AARS2: variants seen among roughly 807,000 people sequenced by gnomAD.
AARS2 encodes the protein alanyl-tRNA synthetase 2, mitochondrial, also known as alanine--tRNA ligase, mitochondrial.
A neutral mutation model predicts 119.7 loss-of-function variants in AARS2; 78 were observed. The ratio of observed to expected loss-of-function variants is 0.65; its 90% CI spans 0.54 to 0.79. The LOEUF is 0.79. Among genes scored for constraint, AARS2 ranks in the 30% least tolerant of loss-of-function variants. The probability of loss-of-function intolerance (pLI) is 0.00; values close to 1 mark genes in which losing one functional copy is unlikely to be tolerated. For synonymous variants in AARS2, 502 were observed against 526.3 expected (o/e 0.95, Z 0.63); for missense variants, 1,157 against 1,291.3 (o/e 0.90, Z 1.59).
chr6:44,308,004 T>C (rs1786010222), intron 5 of AARS2, among the ~76,000 whole-genome samples: 1 of 152,232 alleles, frequency 6.6e-6, no homozygotes, highest in South Asian at 2.1e-4. Flanking sequence ...GTCAATAGCC[T>C]GGGAGCCATC....
chr6:44,311,641 A>G, intron 2 of AARS2, 106 bp from the exon 3 acceptor site: 1 of 1,334,246 alleles, frequency 7.5e-7, no homozygotes, highest in South Asian at 1.2e-5. Context: ...AGACAAAAGC[A>G]TTTCTGCTGC....
At chr6:44,306,152 G>A in intron 9 of AARS2, 128 bp downstream of exon 9, 2 of 929,486 alleles carry the variant, frequency 2.2e-6, no homozygotes, top group South Asian at 2.7e-5. Flanking sequence ...GAGAGTCCAG[G>A]GAGAAAGGAA....
At chr6:44,310,508 A>G (rs1786257604) in intron 4 of AARS2, 65 bp from the exon 5 acceptor site, 2 of 1,596,280 alleles carry the variant, frequency 1.3e-6, no homozygotes, top group South Asian at 2.2e-5. Flanking sequence ...CAGATGCCCA[A>G]GTGGAGTAGA....
At chr6:44,309,939 G>C (rs1159808845) in intron 5 of AARS2, among the ~76,000 whole-genome samples, 1 of 152,104 alleles carries the variant, frequency 6.6e-6, no homozygotes, top group Non-Finnish European at 1.5e-5. Context: ...TTCACAATCT[G>C]TAAGCTATTA....
Position 44,305,077 on chromosome 6 carries a change from G to C in AARS2, c.1556C>G (p.Ser519Cys). Residue 519 changes from serine (S) to cysteine (C), a missense_variant, in exon 11 of 22, where the codon TCC (serine) becomes TGC (cysteine). Physicochemically the swap from Ser to Cys is moderately radical, Grantham distance 112. Coordinates refer to ENST00000244571, the MANE Select transcript of AARS2 (RefSeq NM_020745.4). The surrounding 1 kb of genome is among the most constrained non-coding windows in gnomAD (Gnocchi z 4.6). ...ACCATAACTTCCGCTGGGTCGCAGG[G>C]AGTAGTTGTACTTGGGGCTGTCGTC... Reference protein sequence around the residue: ...PTDDSPKYNYSLRPSGSYEFG... With the variant: ...PTDDSPKYNYCLRPSGSYEFG... 1.2e-6 allele frequency: 2 copies of C among 1,614,156 alleles called. No individual in the cohort carries two copies. Among genetic ancestry groups the C allele is most frequent in the Non-Finnish European group, 8.5e-7 (1 of 1,180,038 alleles).
In AARS2 at chr6:44,301,151, C is replaced by T. The variant is rs750137110; in HGVS notation, c.2793+5G>A. The T allele has an allele frequency of 4.3e-6, 7 of 1,612,456 alleles. No homozygotes were observed. In the Admixed American group the frequency reaches 1.2e-4, roughly 27 times the overall value. ...GGCGGTGGGCTGCTCTCCCACTTCCCTCACCTGGGCCACCTGACAGGCACA... is the reference window on the plus strand; with the variant it reads ...GGCGGTGGGCTGCTCTCCCACTTCCTTCACCTGGGCCACCTGACAGGCACA... On this transcript the variant is annotated splice_donor_5th_base_variant and intron_variant, in intron 21 of 21. Transcript: ENST00000244571.
intron 20 of AARS2, 48 bp from the exon 21 acceptor site, chr6:44,301,314 A>T (rs1325303978): frequency 1.2e-6 from 2 of 1,613,198 alleles, no homozygotes; most frequent in East Asian, 4.5e-5. Context: ...CCAGACCCCT[A>T]GCTGTCTCCT....
chr6:44,305,277 T>G lies in AARS2; in HGVS notation c.1435-79A>C. On this transcript the variant is annotated intron_variant, in intron 10 of 21. Transcript: ENST00000244571. This position sits in a 1 kb window ranked among gnomAD's most constrained non-coding sequence, Gnocchi z 4.6. ...GTGGGACTTCAGCCTCGCAGGGCCC[T>G]GTCCCTGCCACACAGCTGTGGACTC... 2.6e-6 allele frequency: 4 copies of G among 1,560,168 alleles called. No individual in the cohort carries two copies. The highest frequency in any genetic ancestry group is 3.5e-6 in the Non-Finnish European group (4 of 1,145,426).
At position 44,308,542 on chromosome 6, in the gene AARS2, C is replaced by CA. The variant is rs879544098; in HGVS notation, c.895-1149dup. On this transcript the variant is annotated intron_variant, in intron 5 of 21. Coordinates refer to ENST00000244571, the MANE Select transcript of AARS2 (RefSeq NM_020745.4). ...CAACAGAGCAAGCAAGACTCTGTCT[C>CA]AAAAAAAAAAAAGAAGGGTTCTCAG... Among the ~76,000 whole-genome samples the CA allele has an allele frequency of 9.1e-3, 1,242 of 136,752 alleles. 14 individuals are homozygous for CA. The highest frequency in any genetic ancestry group is 0.028 in the African/African-American group (1,027 of 37,214). 89.7% of individuals were successfully genotyped at this position (136,752 alleles called of 152,430 possible).
rs945319319 is a variant in AARS2, at chr6:44,305,807, G to A, written c.1301-21C>T. 7 of 1,613,646 alleles carry A rather than the reference G, an allele frequency of 4.3e-6. No individual in the cohort carries two copies. Among genetic ancestry groups the A allele is most frequent in the Non-Finnish European group, 5.1e-6 (6 of 1,179,708 alleles). ...TTCAGCTTTGAGAAAGAAAGACAAAGAATGTTGAGGAGGGGAGGGATTAGA... is the reference window on the plus strand; with the variant it reads ...TTCAGCTTTGAGAAAGAAAGACAAAAAATGTTGAGGAGGGGAGGGATTAGA... On this transcript the variant is annotated intron_variant, in intron 9 of 21. Coordinates refer to ENST00000244571, the MANE Select transcript of AARS2 (RefSeq NM_020745.4). This position sits in a 1 kb window ranked among gnomAD's most constrained non-coding sequence, Gnocchi z 4.6.
Position 44,310,416 on chromosome 6 carries a change from C to T in AARS2, c.777G>A (p.Leu259=), listed in dbSNP as rs1422405262. 4.3e-6 allele frequency: 7 copies of T among 1,613,816 alleles called. No homozygotes were observed. The East Asian group carries it at 1.6e-4, about 36-fold the overall frequency. ...TTCCTGTGTCCACATGCCGCTGGGG[C>T]AGGGGCTGCAGGCTTCCATCTGCCT... ...NREADGSLQP[L]PQRHVDTGMG... is the part of the protein sequence containing the mutation. The change falls in exon 5 of 22, where the codon CTG becomes CTA. Residue 259 remains leucine, a synonymous_variant. Transcript: ENST00000244571.
chr6:44,309,498 T>G (rs1786168665), intron 5 of AARS2, among the ~76,000 whole-genome samples: 1 of 152,228 alleles, frequency 6.6e-6, no homozygotes, highest in Non-Finnish European at 1.5e-5. Context: ...GGGATTCTCC[T>G]TTAGCTGGCT....
chr6:44,306,512 C>T lies in AARS2; in HGVS notation c.1170G>A (p.Leu390=), dbSNP rs1785862504. 1 of 1,614,154 alleles carries T rather than the reference C, an allele frequency of 6.2e-7. No individual in the cohort carries two copies. Among genetic ancestry groups the T allele is most frequent in the Non-Finnish European group, 8.5e-7 (1 of 1,180,024 alleles). The part of the protein sequence containing the change: ...VETLGDAYPE[L]QRNSAQIANL... Reference sequence around the variant, plus strand: ...CCAGTACCTGGGCTGAGTTCCTTTGCAGTTCTGGATAAGCATCTCCCTGGG... The same window carrying T: ...CCAGTACCTGGGCTGAGTTCCTTTGTAGTTCTGGATAAGCATCTCCCTGGG... Residue 390 remains leucine, a synonymous_variant, in exon 8 of 22, where the codon CTG becomes CTA. Coordinates refer to ENST00000244571, the MANE Select transcript of AARS2 (RefSeq NM_020745.4).
Position 44,300,378 on chromosome 6 carries a change from G to T in AARS2, c.*169C>A. On this transcript the variant is annotated 3_prime_UTR_variant, in exon 22 of 22. Transcript: ENST00000244571. ...TTTGGGCCCAGTTCTGCCTTCCCTAGCCCATGTCTCCTTGTGTCACGTAGG... is the reference window on the plus strand; with the variant it reads ...TTTGGGCCCAGTTCTGCCTTCCCTATCCCATGTCTCCTTGTGTCACGTAGG... 2 of 914,556 alleles carry T rather than the reference G, an allele frequency of 2.2e-6. No individual in the cohort carries two copies. Among genetic ancestry groups the T allele is most frequent in the Non-Finnish European group, 3.5e-6 (2 of 579,358 alleles). 56.7% of individuals were successfully genotyped at this position (914,556 alleles called of 1,614,324 possible).
chr6:44,304,770 C>T lies in AARS2; in HGVS notation c.1627G>A (p.Gly543Arg), dbSNP rs764982273. 29 of 1,614,100 alleles carry T rather than the reference C, an allele frequency of 1.8e-5. No homozygotes were observed. The highest frequency in any genetic ancestry group is 2.5e-5 in the Non-Finnish European group (29 of 1,180,040). The change falls in exon 12 of 22, where the codon GGG becomes AGG. Residue 543 changes from glycine (G) to arginine (R), a missense_variant. Physicochemically the swap from Gly to Arg is moderately radical, Grantham distance 125. Transcript: ENST00000244571. ...AQVLQLYTED[G>R]TAVASVGKGQ... is the part of the protein sequence containing the mutation. ...TTCCCCACGGAGGCCACTGCTGTCC[C>T]GTCCTCTGTATACAGTTGCAACACC...
chr6:44,302,728 G>T, intron 17 of AARS2, 74 bp downstream of exon 17: 1 of 1,507,446 alleles, frequency 6.6e-7, no homozygotes, highest in Non-Finnish European at 9.1e-7. Context: ...GCACCCCTGA[G>T]CCTGAGCATG....
chr6:44,301,382 G>C lies in AARS2; in HGVS notation c.2681C>G (p.Ser894Ter), dbSNP rs200781477. 1.1e-5 allele frequency: 17 copies of C among 1,613,864 alleles called. No individual in the cohort carries two copies. The highest frequency in any genetic ancestry group is 1.4e-5 in the Non-Finnish European group (17 of 1,180,032). Residue 894 changes from serine (S) to a stop codon, truncating the protein, a stop_gained and splice_region_variant, in exon 20 of 22, where the codon TCA (serine) becomes TGA (stop). Coordinates refer to ENST00000244571, the MANE Select transcript of AARS2 (RefSeq NM_020745.4). LOFTEE classifies it high-confidence loss of function. ...IVDTVSAESL[S>*]VLVKVVRQLC... ...CAGCCCGGCTTGGCTAGCACTCACT[G>C]AGAGAGACTCAGCAGAGACTGTGTC...
intron 3 of AARS2, 101 bp from the exon 4 acceptor site, chr6:44,311,262 GGAGGAACAGGGCTGACCCCACAATAT>G: frequency 6.3e-7 from 1 of 1,599,968 alleles, no homozygotes; most frequent in Non-Finnish European, 8.6e-7. Context: ...CTCAGCAAGA[GGAGGAACAGGGCTGACCCCACAATAT>G]CCTGGAATGA....
At position 44,300,676 on chromosome 6, in the gene AARS2, T is replaced by C; in HGVS notation, c.2829A>G (p.Ala943=). ...AMPTFTAEAW[A]LAVCSHMGGK... is the part of the protein sequence containing the mutation. ...CCCCCATGTGGCTGCACACTGCCAG[T>C]GCCCAGGCCTCTGCTGTGAAGGTGG... The change falls in exon 22 of 22, where the codon GCA becomes GCG. Residue 943 remains alanine (A), a synonymous_variant. Transcript: ENST00000244571. 2 of 1,613,540 alleles carry C rather than the reference T, an allele frequency of 1.2e-6. No individual in the cohort carries two copies. Among genetic ancestry groups the C allele is most frequent in the South Asian group, 1.1e-5 (1 of 91,082 alleles).
Sources: gnomAD v4.1 joint callset for allele counts (sites outside exome capture counted in the v4.1 genomes callset) on GRCh38, gnomAD v4.1.1 for gene constraint, Gnocchi (gnomAD v3.1) non-coding constraint, MANE v1.5 for transcripts, NCBI Gene and HGNC (gene_info 2026-07-23, HGNC 2026-07-21) for gene names.